The following DNAH11 variants were observed in gnomAD, a reference collection of about 807,000 sequenced individuals.
The protein encoded by DNAH11 is dynein axonemal heavy chain 11, also known as axonemal beta dynein heavy chain 11.
Under a neutral mutation model 526.0 loss-of-function variants are expected in DNAH11, and 442 were observed. The ratio of observed to expected loss-of-function variants is 0.84; its 90% CI spans 0.78 to 0.91. The LOEUF (loss-of-function observed/expected upper bound fraction) is 0.91, where lower values mean the gene tolerates loss of function less well. Ranked by LOEUF, DNAH11 falls within the 40% of genes least tolerant of loss-of-function variation. The pLI, the probability that DNAH11 is intolerant of heterozygous loss-of-function variation, is 0.00. For missense variants in DNAH11, 6,989 were observed against 5,448.7 expected, an observed-to-expected ratio of 1.28 and a Z score of -8.90; for synonymous variants, 2,461 against 1,935.9, an observed-to-expected ratio of 1.27 and a Z score of -7.12.
intron 63 of DNAH11, among the ~76,000 whole-genome samples, chr7:21,808,674 A>C (rs1789379439): frequency 6.6e-6 from 1 of 152,188 alleles, no homozygotes; most frequent in African/African-American, 2.4e-5. Flanking sequence ...CTTAACATAA[A>C]GTCCTCCAGT....
chr7:21,679,668 G>C (rs1783059192), intron 30 of DNAH11, among the ~76,000 whole-genome samples: 1 of 152,080 alleles, frequency 6.6e-6, no homozygotes, highest in Admixed American at 6.6e-5. Flanking sequence ...TGTCCTGAAT[G>C]CTTCTTGCAC....
At chr7:21,661,040 G>A (rs1583571901) in intron 30 of DNAH11, among the ~76,000 whole-genome samples, 1 of 152,024 alleles carries the variant, frequency 6.6e-6, no homozygotes, top group Non-Finnish European at 1.5e-5. Context: ...TGTGATTCTA[G>A]CAGCGATGTT....
chr7:21,671,678 T>C (rs562795758), intron 30 of DNAH11, among the ~76,000 whole-genome samples: 1 of 152,316 alleles, frequency 6.6e-6, no homozygotes, highest in South Asian at 2.1e-4. Context: ...TTTGATTATT[T>C]CCTTTCTTCT....
chr7:21,626,379 T>C (rs1786333915), intron 25 of DNAH11, among the ~76,000 whole-genome samples: 1 of 152,324 alleles, frequency 6.6e-6, no homozygotes, highest in East Asian at 1.9e-4. Context: ...TTAGGTCAAT[T>C]CTGTATTTTG....
Position 21,744,570 on chromosome 7 carries a change from A to C in DNAH11, c.8287A>C (p.Met2763Leu). The change falls in exon 50 of 82, where the codon ATG (methionine) becomes CTG (leucine). Residue 2763 changes from methionine (M) to leucine (L), a missense_variant. Met to Leu is a conservative substitution (Grantham distance 15). Coordinates refer to ENST00000409508, the MANE Select transcript of DNAH11 (RefSeq NM_001277115.2). ...KKDCDLFQRR[M>L]LETAYKYFEG... ...AGATTGTGATTTGTTTCAGAGAAGA[A>C]TGCTGGAAACTGCTTATAAATATTT... The C allele has an allele frequency of 6.2e-7, 1 of 1,613,610 alleles. No homozygotes were observed. The highest frequency in any genetic ancestry group is 1.1e-5 in the South Asian group (1 of 90,874).
chr7:21,653,951 C>G (rs1013379543), intron 28 of DNAH11, among the ~76,000 whole-genome samples: 2 of 152,150 alleles, frequency 1.3e-5, no homozygotes, highest in Non-Finnish European at 2.9e-5. Flanking sequence ...CTAGAAGTTG[C>G]TGTGGTATAC....
intron 35 of DNAH11, among the ~76,000 whole-genome samples, chr7:21,695,363 C>A (rs761235956): frequency 5.3e-5 from 8 of 152,136 alleles, no homozygotes; most frequent in Non-Finnish European, 1.0e-4. Flanking sequence ...GCTGCAGTAT[C>A]CAAAACAGCA....
chr7:21,843,585 A>C (rs1423436830), intron 66 of DNAH11, among the ~76,000 whole-genome samples: 1 of 150,368 alleles, frequency 6.7e-6, no homozygotes, highest in African/African-American at 2.5e-5. Flanking sequence ...GGTTCAAGCG[A>C]TTCTTCTGCC....
chr7:21,769,875 A>G (rs1374544216), intron 55 of DNAH11, among the ~76,000 whole-genome samples: 1 of 151,994 alleles, frequency 6.6e-6, no homozygotes, highest in East Asian at 1.9e-4. Context: ...ACCTTTTTCA[A>G]TGACTGCAAG....
intron 40 of DNAH11, among the ~76,000 whole-genome samples, 165 bp downstream of exon 40, chr7:21,708,000 A>T (rs1029231561): frequency 5.3e-5 from 8 of 152,208 alleles, no homozygotes; most frequent in African/African-American, 1.9e-4. Context: ...AATTAAGACT[A>T]GATTTGAATA....
chr7:21,844,298 C>T (rs1782332053), intron 66 of DNAH11, among the ~76,000 whole-genome samples: 2 of 152,138 alleles, frequency 1.3e-5, no homozygotes, highest in Non-Finnish European at 2.9e-5. Context: ...TGGTGGTGTG[C>T]AACCGTAGCC....
chr7:21,659,881 A>G (rs966022629), intron 30 of DNAH11, among the ~76,000 whole-genome samples: 2 of 152,166 alleles, frequency 1.3e-5, no homozygotes, highest in Non-Finnish European at 2.9e-5. Context: ...TGAAGATTCA[A>G]GTGTGGATTA....
At chr7:21,763,626 C>T (rs1210055987) in intron 54 of DNAH11, among the ~76,000 whole-genome samples, 3 of 151,304 alleles carry the variant, frequency 2.0e-5, no homozygotes, top group African/African-American at 7.3e-5. Flanking sequence ...ACAGAATTGC[C>T]ATAAGATCCA....
At chr7:21,818,467 C>G (rs1583732216) in intron 65 of DNAH11, 128 bp downstream of exon 65, 2 of 996,788 alleles carry the variant, frequency 2.0e-6, no homozygotes, top group South Asian at 1.7e-5. Flanking sequence ...TTTCATGCAC[C>G]TACACTCCAA....
rs141140155 is a variant in DNAH11, at chr7:21,691,496, G to T, written c.6041+615G>T. On this transcript the variant is annotated intron_variant, in intron 35 of 81. Coordinates refer to ENST00000409508, the MANE Select transcript of DNAH11 (RefSeq NM_001277115.2). ...AGCCAGGGCCTAGCCCACTCTAGCCGCAGGGTCCCCTCCCTGAGGGCCCTG... is the reference window on the plus strand; with the variant it reads ...AGCCAGGGCCTAGCCCACTCTAGCCTCAGGGTCCCCTCCCTGAGGGCCCTG... Among the ~76,000 whole-genome samples the T allele has an allele frequency of 3.4e-3, 514 of 152,092 alleles. 5 individuals carry two copies. The highest frequency in any genetic ancestry group is 0.011 in the African/African-American group (447 of 41,472).
chr7:21,768,163 C>A (rs941366460), intron 55 of DNAH11, among the ~76,000 whole-genome samples: 20 of 152,152 alleles, frequency 1.3e-4, no homozygotes, highest in Admixed American at 6.5e-5. Context: ...ACGCACACTA[C>A]CTCTCCAAGG....
intron 76 of DNAH11, among the ~76,000 whole-genome samples, chr7:21,886,928 C>G (rs1181814418): frequency 6.6e-6 from 1 of 152,108 alleles, no homozygotes; most frequent in African/African-American, 2.4e-5. Context: ...CTCAACTCAC[C>G]AAAGGAAATT....
Position 21,725,856 on chromosome 7 carries a change from A to G in DNAH11, c.7312A>G (p.Met2438Val), listed in dbSNP as rs1785076550. The stretch of plus-strand genomic sequence containing the variant: ...CTTCAGTCGGTGGTGGCAGAAAGAG[A>G]TGAAAGCAGTGAAATTTCCGTCGCA... The part of the protein sequence containing the change: ...ADFSRWWQKE[M>V]KAVKFPSQGT... Residue 2438 changes from methionine to valine, a missense_variant, in exon 45 of 82, where the codon ATG becomes GTG. Physicochemically the swap from Met to Val is conservative, Grantham distance 21. Transcript: ENST00000409508. 10 of 1,611,900 alleles carry G rather than the reference A, an allele frequency of 6.2e-6. No individual in the cohort carries two copies. Among genetic ancestry groups the G allele is most frequent in the Non-Finnish European group, 8.5e-6 (10 of 1,179,014 alleles).
chr7:21,852,341 A>T (rs1013450457), intron 66 of DNAH11, 126 bp from the exon 67 acceptor site: 73 of 918,982 alleles, frequency 7.9e-5, no homozygotes, highest in Middle Eastern at 3.4e-4. Flanking sequence ...CAGGAGGCAC[A>T]CGTCGCAGTG....
Sources: allele counts gnomAD v4.1 joint callset (sites outside exome capture counted in the v4.1 genomes callset), GRCh38; gene constraint gnomAD v4.1.1; transcripts MANE v1.5; gene names NCBI Gene and HGNC (gene_info 2026-07-23, HGNC 2026-07-21).